The following UNC93A variants were observed in gnomAD, a reference collection of about 807,000 sequenced individuals.
The protein encoded by UNC93A is N-acetylglucosamine transporter UNC93A.
UNC93A carries 43 observed loss-of-function variants against 47.5 expected under a neutral mutation model. That is an observed-to-expected ratio of 0.91 (90% CI 0.71 to 1.17). The LOEUF (loss-of-function observed/expected upper bound fraction) is 1.17. Among genes scored for constraint, UNC93A ranks in the 50% most tolerant of loss-of-function variants. The probability of loss-of-function intolerance (pLI) is 0.00; values close to 1 mark genes in which losing one functional copy is unlikely to be tolerated. For synonymous variants in UNC93A, 280 were observed against 258.0 expected, an observed-to-expected ratio of 1.09 and a Z score of -0.82; for missense variants, 605 against 577.6, an observed-to-expected ratio of 1.05 and a Z score of -0.49.
chr6:167,280,142 G>C (rs1159010886), intron 1 of UNC93A, among the ~76,000 whole-genome samples: 1 of 152,086 alleles, frequency 6.6e-6, no homozygotes, highest in Non-Finnish European at 1.5e-5. Context: ...CATGTTTCAA[G>C]GTACAGATGT....
chr6:167,271,310 C>T (rs892746581), exon 1 of UNC93A: 1 of 152,372 alleles, frequency 6.6e-6, no homozygotes, highest in Admixed American at 6.5e-5. Flanking sequence ...GCAAGGTCTC[C>T]AGGTGCTTCT....
Position 167,307,817 on chromosome 6 carries a change from C to T in UNC93A, c.1015C>T (p.Leu339=), listed in dbSNP as rs1778444736. ...THVSCMIALL[L]WRPRADHLAV... is the part of the protein sequence containing the mutation. ...CGTGTCCTGCATGATTGCCCTACTG[C>T]TGTGGAGACCTCGTGCTGACCATCT... Residue 339 remains leucine (L), a synonymous_variant, in exon 7 of 8, where the codon CTG becomes TTG. Transcript: ENST00000230256. The T allele has an allele frequency of 1.2e-6, 2 of 1,613,970 alleles. No homozygotes were observed. Among genetic ancestry groups the T allele is most frequent in the Admixed American group, 1.7e-5 (1 of 60,010 alleles).
upstream of UNC93A, among the ~76,000 whole-genome samples, chr6:167,289,546 G>A (rs1783805207): frequency 6.6e-6 from 1 of 152,108 alleles, no homozygotes; most frequent in African/African-American, 2.4e-5. Flanking sequence ...TGGGAAGGAT[G>A]GAAACAGACC....
At chr6:167,291,312 T>A, upstream of UNC93A, 1 of 512,812 alleles carries the variant, frequency 2.0e-6, no homozygotes. Flanking sequence ...GATAACCAAG[T>A]TCATTAACGA....
At chr6:167,282,692 A>C (rs958639961) in intron 1 of UNC93A, among the ~76,000 whole-genome samples, 2 of 152,222 alleles carry the variant, frequency 1.3e-5, no homozygotes, top group Non-Finnish European at 2.9e-5. Context: ...GAAAAGATTT[A>C]TTTTGAGCCA....
At chr6:167,270,908 G>A (rs563661195), upstream of UNC93A, among the ~76,000 whole-genome samples, 74 of 152,322 alleles carry the variant, frequency 4.9e-4, no homozygotes, top group Non-Finnish European at 8.8e-4. Flanking sequence ...AGAAGTTCCT[G>A]TTGTGGCGAC....
At chr6:167,270,209 C>G (rs1412614005), upstream of UNC93A, among the ~76,000 whole-genome samples, 1 of 152,136 alleles carries the variant, frequency 6.6e-6, no homozygotes, top group African/African-American at 2.4e-5. Flanking sequence ...CATTTTGCAT[C>G]TCTCTTTTTT....
intron 1 of UNC93A, among the ~76,000 whole-genome samples, chr6:167,281,875 A>G (rs965214553): frequency 2.6e-5 from 4 of 152,176 alleles, no homozygotes; most frequent in Non-Finnish European, 5.9e-5. Flanking sequence ...CTTTCCTTTC[A>G]GAGGAGATAA....
intron 7 of UNC93A, among the ~76,000 whole-genome samples, chr6:167,309,265 G>A (rs901687468): frequency 2.6e-5 from 4 of 152,344 alleles, no homozygotes; most frequent in East Asian, 1.9e-4. Context: ...AGATGCGTGA[G>A]AGCGTTTTGG....
chr6:167,286,339 C>T (rs201440138), upstream of UNC93A, among the ~76,000 whole-genome samples: 1 of 152,192 alleles, frequency 6.6e-6, no homozygotes, highest in Admixed American at 6.5e-5. Flanking sequence ...GCCCGCTGAG[C>T]GGGAAGAAGC....
chr6:167,280,503 C>T (rs1009494421), intron 1 of UNC93A, among the ~76,000 whole-genome samples: 1 of 152,194 alleles, frequency 6.6e-6, no homozygotes, highest in Non-Finnish European at 1.5e-5. Context: ...CACCCAGGCA[C>T]TAGGAGGCCC....
At chr6:167,271,281 C>T (rs2115064386) in exon 1 of UNC93A, 1 of 152,482 alleles carries the variant, frequency 6.6e-6, no homozygotes, top group African/African-American at 2.4e-5. Context: ...CTGGGCGGGG[C>T]TCAGCTGTGC....
rs143658438 is a variant in UNC93A, at chr6:167,305,947, C to T, written c.873C>T (p.Phe291=). ...SYVTCTLGIQ[F]VGYVMICFSA... ...TCACCTGCACCCTGGGCATCCAGTT[C>T]GTCGGCTACGTGATGATCTGCTTCT... Residue 291 remains phenylalanine, a synonymous_variant, in exon 6 of 8, where the codon TTC becomes TTT. Transcript: ENST00000230256. 9.9e-6 allele frequency: 16 copies of T among 1,613,988 alleles called. No homozygotes were observed. Among genetic ancestry groups the T allele is most frequent in the African/African-American group, 1.3e-5 (1 of 74,900 alleles).
chr6:167,305,781 C>G, intron 5 of UNC93A, 134 bp from the exon 6 acceptor site: 1 of 1,258,532 alleles, frequency 7.9e-7, no homozygotes, highest in South Asian at 1.4e-5. Flanking sequence ...GCCACAGAGC[C>G]TAGAGGAAGG....
intron 1 of UNC93A, among the ~76,000 whole-genome samples, chr6:167,292,107 C>T (rs916541631): frequency 1.3e-5 from 2 of 152,182 alleles, no homozygotes; most frequent in African/African-American, 2.4e-5. Flanking sequence ...CGGCATTCTC[C>T]GAAAGGCTGC....
At chr6:167,276,355 G>T (rs1783543291) in intron 1 of UNC93A, among the ~76,000 whole-genome samples, 1 of 152,084 alleles carries the variant, frequency 6.6e-6, no homozygotes, top group African/African-American at 2.4e-5. Flanking sequence ...CTTCCCTCTG[G>T]ATGAACACCC....
intron 1 of UNC93A, among the ~76,000 whole-genome samples, chr6:167,279,020 A>T (rs150671499): frequency 1.9e-3 from 286 of 152,354 alleles, no homozygotes; most frequent in Middle Eastern, 6.8e-3. Flanking sequence ...AATTTTGAAA[A>T]GGTACACAGC....
chr6:167,291,484 A>G lies in UNC93A; in HGVS notation c.-6A>G, dbSNP rs774285171. On this transcript the variant is annotated 5_prime_UTR_variant, in exon 1 of 8. Coordinates refer to ENST00000230256, the MANE Select transcript of UNC93A (RefSeq NM_018974.4). ...TCACTGGTGATTGATCTTTTCATCC[A>G]GCACAATGGACAGAAGTCTAAGGAA... is the stretch of plus-strand genomic sequence containing the variant. 3.5e-5 allele frequency: 56 copies of G among 1,611,632 alleles called. No individual in the cohort carries two copies. Among genetic ancestry groups the G allele is most frequent in the Non-Finnish European group, 4.2e-5 (49 of 1,179,394 alleles).
intron 1 of UNC93A, among the ~76,000 whole-genome samples, chr6:167,284,689 C>T (rs1026997101): frequency 6.6e-6 from 1 of 152,292 alleles, no homozygotes; most frequent in Admixed American, 6.5e-5. Context: ...TTGGGGATTC[C>T]TTGGAAAAAC....
Sources: gnomAD v4.1 joint callset for allele counts (sites outside exome capture counted in the v4.1 genomes callset) on GRCh38, gnomAD v4.1.1 for gene constraint, MANE v1.5 for transcripts, NCBI Gene and HGNC (gene_info 2026-07-23, HGNC 2026-07-21) for gene names.